MYO3B: variants seen among roughly 807,000 people sequenced by gnomAD.
MYO3B encodes the protein myosin-IIIb.
A neutral mutation model predicts 174.6 loss-of-function variants in MYO3B; 156 were observed. The ratio of observed to expected loss-of-function variants is 0.89; its 90% CI spans 0.78 to 1.02. The LOEUF (loss-of-function observed/expected upper bound fraction) is 1.02, where lower values mean the gene tolerates loss of function less well. Ranked by LOEUF, MYO3B falls within the 50% of genes least tolerant of loss-of-function variation. The pLI is 0.00. For missense variants in MYO3B, 1,632 were observed against 1,639.4 expected (o/e 1.00, Z 0.08); for synonymous variants, 563 against 569.1 (o/e 0.99, Z 0.15).
At chr2:170,227,770 C>T (rs1011838341) in intron 6 of MYO3B, among the ~76,000 whole-genome samples, 3 of 152,146 alleles carry the variant, frequency 2.0e-5, no homozygotes, top group African/African-American at 7.2e-5. Context: ...TGATTTGCTT[C>T]CCTTCCTGTT....
chr2:170,399,240 C>G, intron 16 of MYO3B, among the ~76,000 whole-genome samples: 1 of 36,720 alleles, frequency 2.7e-5, no homozygotes, highest in African/African-American at 6.8e-5. Flanking sequence ...GAAATTCCGT[C>G]TCAAAAAAAA....
chr2:170,448,476 G>C (rs1683391502), intron 23 of MYO3B, among the ~76,000 whole-genome samples: 1 of 152,200 alleles, frequency 6.6e-6, no homozygotes, highest in Admixed American at 6.5e-5. Context: ...AGTGGGGTTA[G>C]GTATTGACCC....
rs144209887 is a variant in MYO3B at position 170,580,632 on chromosome 2, G to A, written c.3733+36644G>A. Among the ~76,000 whole-genome samples, 59 of 151,478 alleles carry A rather than the reference G, an allele frequency of 3.9e-4. No homozygotes were observed. The East Asian group carries it at 9.5e-3, about 24-fold the overall frequency. Reference sequence around the variant, plus strand: ...CAGCCAGGGTGACAGAGCGAGATCCGTCTCAAAAACAAAAACAAAAGAAAA... The same window carrying A: ...CAGCCAGGGTGACAGAGCGAGATCCATCTCAAAAACAAAAACAAAAGAAAA... On this transcript the variant is annotated intron_variant, in intron 32 of 34. Transcript: ENST00000408978.
chr2:170,254,978 G>A (rs542525397), intron 7 of MYO3B, among the ~76,000 whole-genome samples: 1 of 152,298 alleles, frequency 6.6e-6, no homozygotes, highest in South Asian at 2.1e-4. Context: ...TTTGGGAAGA[G>A]AGAGCTGGGC....
chr2:170,383,778 T>C lies in MYO3B; in HGVS notation c.1254T>C (p.Ala418=), dbSNP rs935843239. Residue 418 remains alanine, a synonymous_variant, in exon 12 of 35, where the codon GCT becomes GCC. Coordinates refer to ENST00000408978, the MANE Select transcript of MYO3B (RefSeq NM_138995.5). ...CCCACATATTTGCATCAGCAGATGC[T>C]GCTTACCAGTGCATGGTTACTCTCA... ...NPPHIFASAD[A]AYQCMVTLSK... 5.6e-6 allele frequency: 9 copies of C among 1,613,702 alleles called. No individual in the cohort carries two copies. Among genetic ancestry groups the C allele is most frequent in the African/African-American group, 1.3e-5 (1 of 74,924 alleles).
At chr2:170,304,998 T>A (rs1399864070) in intron 7 of MYO3B, among the ~76,000 whole-genome samples, 1 of 152,032 alleles carries the variant, frequency 6.6e-6, no homozygotes, top group Non-Finnish European at 1.5e-5. Flanking sequence ...CTTATGAATC[T>A]CTTTTCTGTC....
chr2:170,405,174 G>T (rs2094502580), intron 20 of MYO3B, among the ~76,000 whole-genome samples: 1 of 152,194 alleles, frequency 6.6e-6, no homozygotes, highest in African/African-American at 2.4e-5. Flanking sequence ...TTTATGAGTT[G>T]AAATTATAAC....
At chr2:170,591,052 A>G (rs79097742) in intron 32 of MYO3B, among the ~76,000 whole-genome samples, 2 of 152,346 alleles carry the variant, frequency 1.3e-5, no homozygotes, top group East Asian at 3.9e-4. Flanking sequence ...AAAAGTGAAC[A>G]TTATCAAAGT....
chr2:170,429,390 G>C (rs1358294692), intron 22 of MYO3B, among the ~76,000 whole-genome samples: 1 of 152,132 alleles, frequency 6.6e-6, no homozygotes, highest in African/African-American at 2.4e-5. Context: ...CATTCTACCT[G>C]AAGGCCACCT....
At chr2:170,630,432 G>A (rs534091118) in intron 32 of MYO3B, among the ~76,000 whole-genome samples, 10 of 152,300 alleles carry the variant, frequency 6.6e-5, no homozygotes, top group South Asian at 4.1e-4. Flanking sequence ...GCAGCTCAAC[G>A]AGGCCTGCCT....
rs1688408143 is a variant in MYO3B, at chr2:170,517,725, C to CT, written c.3473-1707dup. ...ACTTGTATCCCTGAAGTGGGTTCCC[C>CT]TTTTTTGTTTTTATGTCAGTTCTTG... On this transcript the variant is annotated intron_variant, in intron 29 of 34. Transcript: ENST00000408978. 5.3e-5 allele frequency among the ~76,000 whole-genome samples: 8 copies of CT among 152,158 alleles called. No homozygotes were observed. The South Asian group carries it at 1.7e-3, about 32-fold the overall frequency.
chr2:170,352,259 C>T (rs1005124674), intron 8 of MYO3B, among the ~76,000 whole-genome samples: 10 of 152,016 alleles, frequency 6.6e-5, no homozygotes, highest in Admixed American at 2.0e-4. Flanking sequence ...GGCCTAGGCA[C>T]GCATAGGTTT....
chr2:170,474,023 A>G (rs920905339), intron 25 of MYO3B, among the ~76,000 whole-genome samples: 1 of 152,216 alleles, frequency 6.6e-6, no homozygotes, highest in African/African-American at 2.4e-5. Flanking sequence ...AAAGGGGATG[A>G]CATATTGGCT....
Position 170,585,634 on chromosome 2 carries a change from T to C in MYO3B, c.3733+41646T>C, listed in dbSNP as rs1693454195. On this transcript the variant is annotated intron_variant, in intron 32 of 34. Coordinates refer to ENST00000408978, the MANE Select transcript of MYO3B (RefSeq NM_138995.5). Reference sequence around the variant, plus strand: ...CAGCTAGCATTAGGGGTACCGTTTGTGGGCAGTACAACAGTCCAAGTGATC... The same window carrying C: ...CAGCTAGCATTAGGGGTACCGTTTGCGGGCAGTACAACAGTCCAAGTGATC... Among the ~76,000 whole-genome samples the C allele has an allele frequency of 2.0e-5, 3 of 152,294 alleles. No homozygotes were observed. The South Asian group carries it at 6.2e-4, about 32-fold the overall frequency.
chr2:170,301,621 A>G (rs189570388), intron 7 of MYO3B, among the ~76,000 whole-genome samples: 2 of 152,344 alleles, frequency 1.3e-5, no homozygotes, highest in Admixed American at 1.3e-4. Context: ...GCTTCCATCA[A>G]GCAAAACAAA....
At chr2:170,556,505 C>T (rs1013026081) in intron 32 of MYO3B, among the ~76,000 whole-genome samples, 2 of 151,446 alleles carry the variant, frequency 1.3e-5, no homozygotes, top group African/African-American at 4.9e-5. Context: ...CCTTTGGGGT[C>T]GTCAGTATCT....
At chr2:170,633,271 C>A (rs967986586) in intron 32 of MYO3B, among the ~76,000 whole-genome samples, 1 of 152,280 alleles carries the variant, frequency 6.6e-6, no homozygotes, top group South Asian at 2.1e-4. Flanking sequence ...AGCTTATCCA[C>A]CAAAATCAAT....
chr2:170,371,082 G>A (rs1239549106), intron 9 of MYO3B, among the ~76,000 whole-genome samples: 1 of 151,888 alleles, frequency 6.6e-6, no homozygotes, highest in African/African-American at 2.4e-5. Flanking sequence ...GCTGGGCATA[G>A]TGGCAGGCAC....
chr2:170,447,947 T>G (rs1162926716), intron 23 of MYO3B, among the ~76,000 whole-genome samples: 2 of 152,168 alleles, frequency 1.3e-5, no homozygotes, highest in Non-Finnish European at 2.9e-5. Flanking sequence ...AGTTTATTGA[T>G]CTGAGTGGTG....
Sources: gnomAD v4.1 joint callset for allele counts (sites outside exome capture counted in the v4.1 genomes callset) on GRCh38, gnomAD v4.1.1 for gene constraint, MANE v1.5 for transcripts, NCBI Gene and HGNC (gene_info 2026-07-23, HGNC 2026-07-21) for gene names.